The following ATG7 variants were observed in gnomAD, a reference collection of about 807,000 sequenced individuals.
The protein encoded by ATG7 is ubiquitin-like modifier-activating enzyme ATG7.
In ATG7, 70 loss-of-function variants were observed where a neutral mutation model predicts 82.4. The observed-to-expected ratio is 0.85, with a 90% CI of 0.70 to 1.04. The LOEUF is 1.04. Ranked by LOEUF, ATG7 falls within the 50% of genes least tolerant of loss-of-function variation. The probability of loss-of-function intolerance (pLI) is 0.00; values close to 1 mark genes in which losing one functional copy is unlikely to be tolerated. For missense variants in ATG7, 792 were observed against 864.3 expected (o/e 0.92, Z 1.05); for synonymous variants, 287 against 313.0 (o/e 0.92, Z 0.88).
intron 14 of ATG7, among the ~76,000 whole-genome samples, chr3:11,354,650 CAAAAAAAAAAAAAAAA>C (rs5846706): frequency 1.6e-5 from 1 of 61,930 alleles, no homozygotes; most frequent in African/African-American, 6.2e-5. Flanking sequence ...TCCATCTCAC[CAAAAAAAAAAAAAAAA>C]AAAAAAAAAG....
intron 9 of ATG7, among the ~76,000 whole-genome samples, chr3:11,329,227 G>A (rs1034952734): frequency 6.6e-6 from 1 of 152,184 alleles, no homozygotes; most frequent in Non-Finnish European, 1.5e-5. Flanking sequence ...GATGTTAATA[G>A]TTCTCTCAGG....
intron 11 of ATG7, among the ~76,000 whole-genome samples, chr3:11,337,882 C>T (rs1037539793): frequency 6.6e-6 from 1 of 151,956 alleles, no homozygotes; most frequent in Non-Finnish European, 1.5e-5. Context: ...AAAACCTAGG[C>T]TGGAGTTATG....
chr3:11,380,729 C>T (rs1559505391), intron 19 of ATG7, among the ~76,000 whole-genome samples: 1 of 152,166 alleles, frequency 6.6e-6, no homozygotes, highest in Non-Finnish European at 1.5e-5. Context: ...AGCGACTTGA[C>T]CTGGGCTTTT....
At chr3:11,416,076 G>A (rs2081351394) in intron 19 of ATG7, among the ~76,000 whole-genome samples, 2 of 152,288 alleles carry the variant, frequency 1.3e-5, no homozygotes, top group East Asian at 3.9e-4. Flanking sequence ...TGACTGAAAT[G>A]TCATGTGGTG....
chr3:11,492,920 A>G (rs978603515), intron 20 of ATG7, among the ~76,000 whole-genome samples: 13 of 152,194 alleles, frequency 8.5e-5, no homozygotes, highest in African/African-American at 2.7e-4. Flanking sequence ...GCATGTTACA[A>G]TGCTCTCTTA....
At chr3:11,481,045 C>T (rs1355282590) in intron 20 of ATG7, among the ~76,000 whole-genome samples, 1 of 152,236 alleles carries the variant, frequency 6.6e-6, no homozygotes, top group Non-Finnish European at 1.5e-5. Context: ...AATGTACTCC[C>T]TTTAATGTCT....
intron 16 of ATG7, among the ~76,000 whole-genome samples, chr3:11,361,225 G>A (rs930883084): frequency 6.6e-6 from 1 of 151,748 alleles, no homozygotes; most frequent in Non-Finnish European, 1.5e-5. Flanking sequence ...AGGCTTGTCA[G>A]ATTTAGTAAG....
Position 11,521,257 on chromosome 3 carries a change from G to A in ATG7, c.2080-33554G>A, listed in dbSNP as rs756741779. Among the ~76,000 whole-genome samples the A allele has an allele frequency of 1.0e-3, 157 of 152,160 alleles. 1 individual carries two copies. The highest frequency in any genetic ancestry group is 1.6e-3 in the Non-Finnish European group (106 of 68,040). On this transcript the variant is annotated intron_variant, in intron 20 of 20. Transcript: ENST00000693202. The stretch of plus-strand genomic sequence containing the variant: ...CACAGGAGCACAGGGGCCTAAGAAC[G>A]CTGGCCATACGTGCTAGATGCTGAC...
At chr3:11,299,891 T>TG (rs1474795248) in intron 5 of ATG7, among the ~76,000 whole-genome samples, 4 of 151,886 alleles carry the variant, frequency 2.6e-5, no homozygotes. Flanking sequence ...TAAATCTGCT[T>TG]GGGAGCTGTG....
downstream of ATG7, chr3:11,558,933 CG>C: frequency 7.4e-7 from 1 of 1,357,116 alleles, no homozygotes; most frequent in South Asian, 1.3e-5. Flanking sequence ...CTGGCTGCCA[CG>C]GTCAGCGTGG....
intron 20 of ATG7, among the ~76,000 whole-genome samples, chr3:11,535,269 G>C (rs2092768890): frequency 6.6e-6 from 1 of 152,194 alleles, no homozygotes; most frequent in African/African-American, 2.4e-5. Flanking sequence ...CACCCTGCCT[G>C]GTGTCATCTG....
chr3:11,368,456 T>C (rs922438092), intron 18 of ATG7, among the ~76,000 whole-genome samples: 3 of 152,062 alleles, frequency 2.0e-5, no homozygotes, highest in Non-Finnish European at 2.9e-5. Context: ...AACAGCCTGT[T>C]GGCCTGCTAA....
At chr3:11,383,930 C>G (rs988099472) in intron 19 of ATG7, among the ~76,000 whole-genome samples, 1 of 152,070 alleles carries the variant, frequency 6.6e-6, no homozygotes, top group South Asian at 2.1e-4. Context: ...AAAACAACTC[C>G]GTAAGTTTTA....
At chr3:11,365,547 G>A (rs1045088252) in intron 18 of ATG7, among the ~76,000 whole-genome samples, 3 of 152,066 alleles carry the variant, frequency 2.0e-5, no homozygotes, top group Admixed American at 6.6e-5. Flanking sequence ...ATCCTCTCCT[G>A]TAATGTGACT....
intron 20 of ATG7, among the ~76,000 whole-genome samples, chr3:11,513,022 A>G (rs963477632): frequency 6.6e-6 from 1 of 152,224 alleles, no homozygotes; most frequent in Non-Finnish European, 1.5e-5. Flanking sequence ...CAGAGTGTCA[A>G]TTGGTGCATT....
Position 11,380,027 on chromosome 3 carries a change from A to G in ATG7, c.1931A>G (p.Asp644Gly), listed in dbSNP as rs753808883. ...GTCCTTCCCGTCAGCCTGGCATTTGACAAATGTACAGCTTGTTCTTCCAAA... is the reference window on the plus strand; with the variant it reads ...GTCCTTCCCGTCAGCCTGGCATTTGGCAAATGTACAGCTTGTTCTTCCAAA... ...DNVLPVSLAF[D>G]KCTACSSKVL... The change falls in exon 19 of 21, where the codon GAC (aspartate) becomes GGC (glycine). Residue 644 changes from aspartate to glycine, a missense_variant. Transcript: ENST00000693202. 1.9e-6 allele frequency: 3 copies of G among 1,614,090 alleles called. No individual in the cohort carries two copies. The South Asian group carries it at 3.3e-5, about 18-fold the overall frequency.
rs552502026 is a variant in ATG7, at chr3:11,371,771, TC to T, written c.1875+7039del. ...TAAGTCCTTAAGGTAGCACACCAAA[TC>T]CTGCTTTTTGAATTTTGTGCTTCCA... On this transcript the variant is annotated intron_variant, in intron 18 of 20. Coordinates refer to ENST00000693202, the MANE Select transcript of ATG7 (RefSeq NM_001349232.2). Among the ~76,000 whole-genome samples, 18 of 151,212 alleles carry T rather than the reference TC, an allele frequency of 1.2e-4. 1 individual carries two copies. The South Asian group carries it at 3.6e-3, about 30-fold the overall frequency.
At chr3:11,499,705 C>G (rs2091171251) in intron 20 of ATG7, among the ~76,000 whole-genome samples, 1 of 150,940 alleles carries the variant, frequency 6.6e-6, no homozygotes, top group Non-Finnish European at 1.5e-5. Context: ...CAAGATCATG[C>G]CATTGCACTC....
chr3:11,287,478 A>G (rs548854552), intron 3 of ATG7, among the ~76,000 whole-genome samples: 146 of 152,294 alleles, frequency 9.6e-4, no homozygotes, highest in African/African-American at 3.5e-3. Flanking sequence ...GTCAGAGGTG[A>G]GGAGTGACAG....
Sources: gnomAD v4.1 joint callset for allele counts (sites outside exome capture counted in the v4.1 genomes callset) on GRCh38, gnomAD v4.1.1 for gene constraint, MANE v1.5 for transcripts, NCBI Gene and HGNC (gene_info 2026-07-23, HGNC 2026-07-21) for gene names.